The following DRG2 variants were observed in gnomAD, a reference collection of about 807,000 sequenced individuals.
The protein encoded by DRG2 is developmentally regulated GTP binding protein 2.
DRG2 carries 36 observed loss-of-function variants against 53.4 expected under a neutral mutation model. The observed-to-expected ratio is 0.67, with a 90% CI of 0.52 to 0.89. DRG2 has a LOEUF of 0.89. Ranked by LOEUF, DRG2 falls within the 40% of genes least tolerant of loss-of-function variation. The pLI is 0.00. For synonymous variants in DRG2, 167 were observed against 192.1 expected (o/e 0.87, Z 1.08); for missense variants, 342 against 481.2 (o/e 0.71, Z 2.71).
At position 18,098,400 on chromosome 17, in the gene DRG2, G is replaced by A. The variant is rs747892688; in HGVS notation, c.315+41G>A. 4 of 1,579,586 alleles carry A rather than the reference G, an allele frequency of 2.5e-6. No homozygotes were observed. The South Asian group carries it at 4.4e-5, about 17-fold the overall frequency. On this transcript the variant is annotated intron_variant, in intron 3 of 12. Transcript: ENST00000225729. This position sits in a 1 kb window ranked among gnomAD's most constrained non-coding sequence, Gnocchi z 4.1. ...GGGCCCAGAAGGAGAAGGGGCGCAT[G>A]CTTGTGTTTGGACTTGTGCCTGTGC...
chr17:18,088,326 G>A (rs2045252648), intron 1 of DRG2, among the ~76,000 whole-genome samples: 1 of 152,248 alleles, frequency 6.6e-6, no homozygotes, highest in Admixed American at 6.5e-5. Flanking sequence ...CCGTGTGCCC[G>A]AGTAGAGTAG....
intron 2 of DRG2, among the ~76,000 whole-genome samples, chr17:18,094,975 A>C (rs1164245593): frequency 8.7e-5 from 4 of 45,900 alleles, no homozygotes; most frequent in Non-Finnish European, 9.9e-5. Flanking sequence ...ACTCCATCTC[A>C]AAAAAAAAAA....
intron 1 of DRG2, among the ~76,000 whole-genome samples, chr17:18,090,965 C>A (rs536181083): frequency 6.6e-6 from 1 of 152,332 alleles, no homozygotes; most frequent in Admixed American, 6.5e-5. Context: ...AGCCACCATG[C>A]CCAGCTGCAG....
At position 18,106,417 on chromosome 17, in the gene DRG2, C is replaced by A; in HGVS notation, c.955-16C>A. The A allele has an allele frequency of 6.2e-7, 1 of 1,614,058 alleles. No homozygotes were observed. The highest frequency in any genetic ancestry group is 8.5e-7 in the Non-Finnish European group (1 of 1,179,916). ...TGAAGCCTCACCTCTCTACCTGACT[C>A]TCTCCTGTCCTCCAGTGCCACCGCA... On this transcript the variant is annotated splice_polypyrimidine_tract_variant and intron_variant, in intron 11 of 12. Coordinates refer to ENST00000225729, the MANE Select transcript of DRG2 (RefSeq NM_001388.5).
chr17:18,106,175 G>A (rs2045625992), intron 11 of DRG2: 1 of 525,840 alleles, frequency 1.9e-6, no homozygotes, highest in East Asian at 3.2e-5. Flanking sequence ...TTCCCCTGGT[G>A]GCTTTGGGAA....
Position 18,093,984 on chromosome 17 carries a change from G to A in DRG2, c.225+11G>A. 1 of 1,611,944 alleles carries A rather than the reference G, an allele frequency of 6.2e-7. No individual in the cohort carries two copies. Reference sequence around the variant, plus strand: ...CCCTCTGTGGGTAAGGTCAGTGATGGTCAGTGTGGGCCTCGGGGAGGAAAG... The same window carrying A: ...CCCTCTGTGGGTAAGGTCAGTGATGATCAGTGTGGGCCTCGGGGAGGAAAG... On this transcript the variant is annotated intron_variant, in intron 2 of 12. Transcript: ENST00000225729.
At position 18,100,392 on chromosome 17, in the gene DRG2, TG is replaced by T. The variant is rs1175058915; in HGVS notation, c.500del (p.Gly167AlafsTer29). 1 of 1,614,178 alleles carries T rather than the reference TG, an allele frequency of 6.2e-7. No individual in the cohort carries two copies. The highest frequency in any genetic ancestry group is 8.5e-7 in the Non-Finnish European group (1 of 1,180,026). ...CTGCTGGAGAAGGAGCTGGAGTCTG[TG>T]GGCATCCGCCTCAACAAGCACAAGC... ...RSLLEKELES[V>X]GIRLNKHKPN... On this transcript the variant is annotated frameshift_variant, in exon 6 of 13. Transcript: ENST00000225729. LOFTEE classifies it high-confidence loss of function. The surrounding 1 kb of genome is among the most constrained non-coding windows in gnomAD (Gnocchi z 4.1).
Position 18,099,851 on chromosome 17 carries a change from A to G in DRG2, c.467+128A>G. 1 of 927,606 alleles carries G rather than the reference A, an allele frequency of 1.1e-6. No individual in the cohort carries two copies. The highest frequency in any genetic ancestry group is 1.7e-6 in the Non-Finnish European group (1 of 602,080). The allele number at this position is 927,606 out of a possible 1,614,324, so 57.5% of individuals were successfully genotyped here. Reference sequence around the variant, plus strand: ...TGAGAGTAGTGGTAGGACTTGTCACAGACTAAACCCAACACCACCCAGCCT... The same window carrying G: ...TGAGAGTAGTGGTAGGACTTGTCACGGACTAAACCCAACACCACCCAGCCT... On this transcript the variant is annotated intron_variant, in intron 5 of 12. Transcript: ENST00000225729. This position sits in a 1 kb window ranked among gnomAD's most constrained non-coding sequence, Gnocchi z 4.4.
chr17:18,106,727 G>T (rs926127369), intron 12 of DRG2, among the ~76,000 whole-genome samples: 2 of 116,326 alleles, frequency 1.7e-5, no homozygotes, highest in Non-Finnish European at 3.2e-5. Context: ...GTCTGGCTCT[G>T]TCTCCCACGC....
At chr17:18,101,306 T>C (rs932272321) in intron 7 of DRG2, among the ~76,000 whole-genome samples, 187 bp from the exon 8 acceptor site, 5 of 152,206 alleles carry the variant, frequency 3.3e-5, no homozygotes, top group East Asian at 3.9e-4. Flanking sequence ...AACTTTTATA[T>C]ATTGTGGTCC....
At chr17:18,094,103 G>T (rs1212389020) in intron 2 of DRG2, 130 bp downstream of exon 2, 1 of 1,264,824 alleles carries the variant, frequency 7.9e-7, no homozygotes, top group African/African-American at 1.5e-5. Flanking sequence ...CCTCCCCCAG[G>T]GTCAGATCCC....
chr17:18,092,244 G>A (rs760468395), intron 1 of DRG2, among the ~76,000 whole-genome samples: 2 of 152,100 alleles, frequency 1.3e-5, no homozygotes, highest in African/African-American at 2.4e-5. Context: ...CAGGAGGATT[G>A]CTTACAGCCA....
chr17:18,103,960 G>C lies in DRG2; in HGVS notation c.895+71G>C. 1 of 1,473,266 alleles carries C rather than the reference G, an allele frequency of 6.8e-7. No individual in the cohort carries two copies. The highest frequency in any genetic ancestry group is 9.5e-7 in the Non-Finnish European group (1 of 1,054,244). The allele number at this position is 1,473,266 out of a possible 1,614,324, so 91.3% of individuals were successfully genotyped here. ...CTAGAAGGCTGCCAGGCCGGTGTGT[G>C]GTGCCCAGAGACCCCAGCACCGGCT... On this transcript the variant is annotated intron_variant, in intron 10 of 12. Coordinates refer to ENST00000225729, the MANE Select transcript of DRG2 (RefSeq NM_001388.5). This position sits in a 1 kb window ranked among gnomAD's most constrained non-coding sequence, Gnocchi z 4.4.
Position 18,099,447 on chromosome 17 carries a change from G to T in DRG2, c.377-186G>T, listed in dbSNP as rs1165935433. 4.4e-6 allele frequency: 3 copies of T among 675,420 alleles called. No homozygotes were observed. The highest frequency in any genetic ancestry group is 7.8e-6 in the Non-Finnish European group (3 of 382,878). 41.8% of individuals were successfully genotyped at this position (675,420 alleles called of 1,614,324 possible). A position where few individuals can be genotyped will look rare whatever the true frequency, so the allele number is the denominator to read the frequency against. ...CTGTTACTCCTTTTATGATGGTGGTGTCGGATTTTCTTCTGAAATAAGTCT... is the reference window on the plus strand; with the variant it reads ...CTGTTACTCCTTTTATGATGGTGGTTTCGGATTTTCTTCTGAAATAAGTCT... On this transcript the variant is annotated intron_variant, in intron 4 of 12. Coordinates refer to ENST00000225729, the MANE Select transcript of DRG2 (RefSeq NM_001388.5). The surrounding 1 kb of genome is among the most constrained non-coding windows in gnomAD (Gnocchi z 4.4).
At position 18,107,281 on chromosome 17, in the gene DRG2, TG is replaced by T; in HGVS notation, c.*45del. 3 of 1,585,476 alleles carry T rather than the reference TG, an allele frequency of 1.9e-6. No homozygotes were observed. Among genetic ancestry groups the T allele is most frequent in the Non-Finnish European group, 2.6e-6 (3 of 1,158,384 alleles). ...CTCCCGCCCACCTGCCTCGTCTCCC[TG>T]GGGAGGTGGTCCCACTGGGACACAC... On this transcript the variant is annotated 3_prime_UTR_variant, in exon 13 of 13. Transcript: ENST00000225729.
intron 1 of DRG2, among the ~76,000 whole-genome samples, chr17:18,088,299 A>G (rs1397609683): frequency 2.0e-5 from 3 of 152,218 alleles, no homozygotes; most frequent in Admixed American, 2.0e-4. Context: ...ACCCCAAGAG[A>G]TCTGGTCAGT....
At chr17:18,101,673 G>T in intron 8 of DRG2, 83 bp downstream of exon 8, 1 of 1,389,414 alleles carries the variant, frequency 7.2e-7, no homozygotes, top group Admixed American at 1.8e-5. Flanking sequence ...CCTTGTGAGA[G>T]AAGCAGAAAG....
At chr17:18,096,694 G>C (rs1344967624) in intron 2 of DRG2, 1 of 152,268 alleles carries the variant, frequency 6.6e-6, no homozygotes, top group Non-Finnish European at 1.5e-5. Context: ...CACTCTGGCT[G>C]TTGTGTAGAT....
Position 18,107,305 on chromosome 17 carries a change from C to A in DRG2, c.*65C>A. On this transcript the variant is annotated 3_prime_UTR_variant, in exon 13 of 13. Coordinates refer to ENST00000225729, the MANE Select transcript of DRG2 (RefSeq NM_001388.5). The stretch of plus-strand genomic sequence containing the variant: ...CTGGGGAGGTGGTCCCACTGGGACA[C>A]ACAAACACCCAAACAGAAAAATACA... 1 of 1,477,622 alleles carries A rather than the reference C, an allele frequency of 6.8e-7. No individual in the cohort carries two copies. The highest frequency in any genetic ancestry group is 9.4e-7 in the Non-Finnish European group (1 of 1,067,302). 91.5% of individuals were successfully genotyped at this position (1,477,622 alleles called of 1,614,324 possible). A position where few individuals can be genotyped will look rare whatever the true frequency, so the allele number is the denominator to read the frequency against.
Sources: gnomAD v4.1 joint callset for allele counts (sites outside exome capture counted in the v4.1 genomes callset) on GRCh38, gnomAD v4.1.1 for gene constraint, Gnocchi (gnomAD v3.1) non-coding constraint, MANE v1.5 for transcripts, NCBI Gene and HGNC (gene_info 2026-07-23, HGNC 2026-07-21) for gene names.